Variants in PTPRD observed in about 807,000 individuals in gnomAD.
The protein encoded by PTPRD is protein tyrosine phosphatase receptor type D, also known as receptor-type tyrosine-protein phosphatase delta.
In PTPRD, 34 loss-of-function variants were observed where a neutral mutation model predicts 214.5. The observed-to-expected ratio is 0.16, with a 90% confidence interval of 0.12 to 0.21. PTPRD has a LOEUF of 0.21. Among genes scored for constraint, PTPRD ranks in the 10% least tolerant of loss-of-function variants. PTPRD has a pLI of 1.00. For synonymous variants in PTPRD, 1,128 were observed against 845.7 expected (o/e 1.33, Z -5.79); for missense variants, 2,545 against 2,398.7 (o/e 1.06, Z -1.27).
intron 3 of PTPRD, among the ~76,000 whole-genome samples, chr9:10,336,730 CG>C (rs1421188326): frequency 2.6e-5 from 4 of 151,044 alleles, no homozygotes; most frequent in African/African-American, 7.3e-5. Context: ...AAATAACAAT[CG>C]GCAGAAACTA....
intron 5 of PTPRD, among the ~76,000 whole-genome samples, chr9:9,838,450 T>C (rs565092915): frequency 9.9e-5 from 15 of 152,268 alleles, no homozygotes; most frequent in East Asian, 5.8e-4. Flanking sequence ...GACTTTTTAA[T>C]GATTGCCATT....
At chr9:9,277,931 A>G (rs1946274036) in intron 9 of PTPRD, among the ~76,000 whole-genome samples, 2 of 151,402 alleles carry the variant, frequency 1.3e-5, no homozygotes, top group African/African-American at 4.8e-5. Context: ...CCAGTGATAA[A>G]ATATTTTTTC....
intron 2 of PTPRD, among the ~76,000 whole-genome samples, chr9:10,491,674 G>C (rs1397219639): frequency 6.6e-6 from 1 of 151,404 alleles, no homozygotes; most frequent in East Asian, 1.9e-4. Context: ...GAAAAAAGTA[G>C]TATTTCTAAG....
intron 11 of PTPRD, among the ~76,000 whole-genome samples, chr9:8,853,451 A>G (rs764505220): frequency 9.2e-5 from 14 of 152,296 alleles, no homozygotes; most frequent in Non-Finnish European, 1.9e-4. Context: ...CACTTTGTGG[A>G]AACAGATGTA....
intron 10 of PTPRD, among the ~76,000 whole-genome samples, chr9:9,134,669 T>C (rs1259588899): frequency 6.6e-6 from 1 of 152,212 alleles, no homozygotes; most frequent in Non-Finnish European, 1.5e-5. Flanking sequence ...AGGACACTCA[T>C]GGCTGCTTCC....
At chr9:9,731,219 G>C (rs956042113) in intron 7 of PTPRD, among the ~76,000 whole-genome samples, 1 of 151,926 alleles carries the variant, frequency 6.6e-6, no homozygotes, top group Non-Finnish European at 1.5e-5. Context: ...TAATTTAATG[G>C]AGTATTTTTA....
At chr9:9,160,818 T>C (rs568737718) in intron 10 of PTPRD, among the ~76,000 whole-genome samples, 2 of 152,192 alleles carry the variant, frequency 1.3e-5, no homozygotes, top group Admixed American at 1.3e-4. Context: ...CAATGTTGTA[T>C]ACACACACAA....
At chr9:9,079,981 A>G (rs1456681605) in intron 10 of PTPRD, among the ~76,000 whole-genome samples, 1 of 152,066 alleles carries the variant, frequency 6.6e-6, no homozygotes, top group Non-Finnish European at 1.5e-5. Flanking sequence ...TACCAATACA[A>G]TATTAAATGT....
At chr9:8,374,311 C>T (rs768532824) in intron 39 of PTPRD, among the ~76,000 whole-genome samples, 9 of 151,796 alleles carry the variant, frequency 5.9e-5, no homozygotes, top group Non-Finnish European at 7.4e-5. Flanking sequence ...GCAGAGGCAC[C>T]ATATAATCAG....
intron 7 of PTPRD, among the ~76,000 whole-genome samples, chr9:9,634,639 C>A (rs560994622): frequency 6.6e-6 from 1 of 152,108 alleles, no homozygotes; most frequent in Non-Finnish European, 1.5e-5. Context: ...AATAAAATAT[C>A]TTTCTCAGCA....
chr9:9,546,383 A>G (rs955910084), intron 8 of PTPRD, among the ~76,000 whole-genome samples: 1 of 151,806 alleles, frequency 6.6e-6, no homozygotes, highest in African/African-American at 2.4e-5. Context: ...AAAATTAAAT[A>G]CCAGATGTTT....
chr9:9,862,367 G>A (rs1220220951), intron 5 of PTPRD, among the ~76,000 whole-genome samples: 1 of 152,322 alleles, frequency 6.6e-6, no homozygotes, highest in African/African-American at 2.4e-5. Context: ...TGCAGACACA[G>A]GAACTAACTG....
chr9:9,812,319 C>T (rs2047395883), intron 5 of PTPRD, among the ~76,000 whole-genome samples: 1 of 151,820 alleles, frequency 6.6e-6, no homozygotes, highest in South Asian at 2.1e-4. Flanking sequence ...TAAGTCCTTG[C>T]CAATCAATAA....
intron 7 of PTPRD, among the ~76,000 whole-genome samples, chr9:9,616,498 T>C (rs1306068860): frequency 1.3e-5 from 2 of 151,940 alleles, no homozygotes; most frequent in Non-Finnish European, 2.9e-5. Context: ...AGGTTTATTC[T>C]AAGTTTTCTC....
intron 9 of PTPRD, among the ~76,000 whole-genome samples, chr9:9,339,078 C>A (rs951768242): frequency 6.6e-6 from 1 of 152,086 alleles, no homozygotes; most frequent in South Asian, 2.1e-4. Context: ...TTGTCAGTTG[C>A]CAGTGCCATT....
At chr9:8,893,224 T>C (rs372890614) in intron 11 of PTPRD, among the ~76,000 whole-genome samples, 1 of 152,140 alleles carries the variant, frequency 6.6e-6, no homozygotes, top group African/African-American at 2.4e-5. Flanking sequence ...AACAGAAGCA[T>C]GTTCCTGGAG....
chr9:8,928,304 T>A (rs563874924), intron 11 of PTPRD, among the ~76,000 whole-genome samples: 1 of 152,318 alleles, frequency 6.6e-6, no homozygotes, highest in East Asian at 1.9e-4. Flanking sequence ...AAGGATTGCC[T>A]AGGTTTTCTT....
chr9:9,593,050 GAA>G (rs2092902753), intron 7 of PTPRD, among the ~76,000 whole-genome samples: 1 of 143,160 alleles, frequency 7.0e-6, no homozygotes, highest in African/African-American at 2.6e-5. Context: ...GTCAAAAAGA[GAA>G]AGAGAAAGAG....
intron 3 of PTPRD, among the ~76,000 whole-genome samples, chr9:10,050,595 A>C (rs2097517355): frequency 7.5e-6 from 1 of 132,676 alleles, no homozygotes; most frequent in Non-Finnish European, 1.6e-5. Flanking sequence ...AAAAAAGACT[A>C]TGTCAATTTA....
Sources: gnomAD v4.1 joint callset for allele counts (sites outside exome capture counted in the v4.1 genomes callset) on GRCh38, gnomAD v4.1.1 for gene constraint, MANE v1.5 for transcripts, NCBI Gene and HGNC (gene_info 2026-07-23, HGNC 2026-07-21) for gene names.